The following CCDC13 variants were observed in gnomAD, a reference collection of about 807,000 sequenced individuals.
The protein encoded by CCDC13 is coiled-coil domain containing 13.
Under a neutral mutation model 87.3 loss-of-function variants are expected in CCDC13, and 70 were observed. The observed-to-expected ratio is 0.80, with a 90% CI of 0.66 to 0.98. The LOEUF (loss-of-function observed/expected upper bound fraction) is 0.98. CCDC13 is among the 50% of genes least tolerant of loss of function. The pLI, the probability that CCDC13 is intolerant of heterozygous loss-of-function variation, is 0.00. For synonymous variants in CCDC13, 317 were observed against 360.3 expected (o/e 0.88, Z 1.36); for missense variants, 842 against 892.0 (o/e 0.94, Z 0.71).
At chr3:42,721,028 T>C (rs1004133843) in intron 13 of CCDC13, among the ~76,000 whole-genome samples, 1 of 152,204 alleles carries the variant, frequency 6.6e-6, no homozygotes, top group Non-Finnish European at 1.5e-5. Flanking sequence ...GGTATAAAAA[T>C]CATATAGAAA....
At chr3:42,709,662 G>C in intron 15 of CCDC13, 22 bp downstream of exon 15, 4 of 1,590,594 alleles carry the variant, frequency 2.5e-6, no homozygotes, top group Non-Finnish European at 3.5e-6. Flanking sequence ...TACCCTTTCA[G>C]GAAGGCGGGG....
In CCDC13 at chr3:42,743,001, G is replaced by A. The variant is rs1471513016; in HGVS notation, c.882C>T (p.Ala294=). The A allele has an allele frequency of 6.2e-7, 1 of 1,614,126 alleles. No homozygotes were observed. The highest frequency in any genetic ancestry group is 1.1e-5 in the South Asian group (1 of 91,070). Residue 294 remains alanine (A), a synonymous_variant, in exon 8 of 16, where the codon GCC becomes GCT. Transcript: ENST00000310232. ...CTGGATAGACAGACAACTCATCACT[G>A]GCTGTTCCCGCAGACTGGCTCCGGG... The part of the protein sequence containing the change: ...GQARSQSAGT[A]SDELSVYPDP...
intron 1 of CCDC13, 91 bp from the exon 2 acceptor site, chr3:42,758,442 GT>G: frequency 7.9e-7 from 1 of 1,272,058 alleles, no homozygotes; most frequent in Non-Finnish European, 1.1e-6. Flanking sequence ...CAGCCTTGGA[GT>G]TTACTGCTTC....
At chr3:42,736,230 G>T (rs1437233621) in intron 9 of CCDC13, among the ~76,000 whole-genome samples, 1 of 152,202 alleles carries the variant, frequency 6.6e-6, no homozygotes, top group Non-Finnish European at 1.5e-5. Flanking sequence ...TTAGCTAAAA[G>T]AAAAGCCTGA....
At chr3:42,750,679 G>A (rs895398170) in intron 5 of CCDC13, among the ~76,000 whole-genome samples, 5 of 152,188 alleles carry the variant, frequency 3.3e-5, no homozygotes, top group Admixed American at 2.0e-4. Flanking sequence ...TGTTGGCCAG[G>A]CTGGTCTCGA....
rs949673560 is a variant in CCDC13 at position 42,706,282 on chromosome 3, C to T, written c.*2698G>A. On this transcript the variant is annotated 3_prime_UTR_variant, in exon 16 of 16. Transcript: ENST00000310232. ...GCCAGGGACTGTGTTTGCCTCACCTCGGCACCTCTGTGCCTGGGGCAGAGG... is the reference window on the plus strand; with the variant it reads ...GCCAGGGACTGTGTTTGCCTCACCTTGGCACCTCTGTGCCTGGGGCAGAGG... The T allele has an allele frequency of 6.6e-5, 10 of 152,402 alleles. No homozygotes were observed. The highest frequency in any genetic ancestry group is 2.1e-4 in the South Asian group (1 of 4,834). The allele number at this position is 152,402 out of a possible 1,614,324, so 9.4% of individuals were successfully genotyped here.
At chr3:42,748,794 C>G (rs572950392) in intron 5 of CCDC13, among the ~76,000 whole-genome samples, 32 of 152,274 alleles carry the variant, frequency 2.1e-4, no homozygotes, top group African/African-American at 7.2e-4. Flanking sequence ...CAGAATGTGC[C>G]AACTCGGAAC....
At position 42,723,225 on chromosome 3, in the gene CCDC13, T is replaced by C. The variant is rs575336282; in HGVS notation, c.1718+7242A>G. 4.6e-5 allele frequency among the ~76,000 whole-genome samples: 7 copies of C among 152,316 alleles called. No homozygotes were observed. In the South Asian group the frequency reaches 8.3e-4, roughly 18 times the overall value. The stretch of plus-strand genomic sequence containing the variant: ...CAAAACTCCCTTTCCTGTAACAGTT[T>C]GCAGGAGAATGTCTTCAAGGCCAGC... On this transcript the variant is annotated intron_variant, in intron 13 of 15. Transcript: ENST00000310232.
At chr3:42,726,669 A>G (rs1461623763) in intron 13 of CCDC13, among the ~76,000 whole-genome samples, 1 of 152,062 alleles carries the variant, frequency 6.6e-6, no homozygotes, top group Non-Finnish European at 1.5e-5. Flanking sequence ...ATATATTTAC[A>G]TATGTATACT....
chr3:42,718,119 C>G (rs1046127111), intron 13 of CCDC13: 1 of 152,186 alleles, frequency 6.6e-6, no homozygotes, highest in Admixed American at 6.5e-5. Context: ...CTGCTGCATT[C>G]CCAGATGGTT....
chr3:42,740,364 G>A (rs906305883), intron 8 of CCDC13, among the ~76,000 whole-genome samples: 7 of 152,008 alleles, frequency 4.6e-5, no homozygotes, highest in African/African-American at 9.7e-5. Flanking sequence ...ACACATCTTC[G>A]GAGTCTCTCA....
Position 42,752,131 on chromosome 3 carries a change from C to A in CCDC13, c.514-106G>T, listed in dbSNP as rs1183108889. 4.4e-6 allele frequency: 4 copies of A among 918,850 alleles called. No individual in the cohort carries two copies. The African/African-American group carries it at 4.9e-5, about 11-fold the overall frequency. The allele number at this position is 918,850 out of a possible 1,614,324, so 56.9% of individuals were successfully genotyped here. A position where few individuals can be genotyped will look rare whatever the true frequency, so the allele number is the denominator to read the frequency against. ...GTGGTTACCTATCTTGGTGGTGTGT[C>A]CTTTTAGCTCACTTTAGGATCATTA... On this transcript the variant is annotated intron_variant, in intron 4 of 15. Coordinates refer to ENST00000310232, the MANE Select transcript of CCDC13 (RefSeq NM_144719.4).
intron 5 of CCDC13, chr3:42,750,038 C>A (rs1244513971): frequency 4.6e-6 from 2 of 430,168 alleles, no homozygotes; most frequent in Non-Finnish European, 9.4e-6. Flanking sequence ...TGAATTGAGA[C>A]CTGCGGCCCA....
At position 42,758,415 on chromosome 3, in the gene CCDC13, C is replaced by T. The variant is rs568173783; in HGVS notation, c.-6-64G>A. On this transcript the variant is annotated intron_variant, in intron 1 of 15. Transcript: ENST00000310232. ...CACACCGAGCGCTCAGCACACAGTC[C>T]GCCCTGTCTGCAGCCCCAGCCTTGG... 179 of 1,500,112 alleles carry T rather than the reference C, an allele frequency of 1.2e-4. No individual in the cohort carries two copies. In the African/African-American group the frequency reaches 2.1e-3, roughly 18 times the overall value. The allele number at this position is 1,500,112 out of a possible 1,614,324, so 92.9% of individuals were successfully genotyped here.
intron 1 of CCDC13, among the ~76,000 whole-genome samples, chr3:42,759,584 C>T (rs939609494): frequency 1.3e-5 from 2 of 152,144 alleles, no homozygotes; most frequent in African/African-American, 4.8e-5. Context: ...TTGCTCAGCA[C>T]TACCTTTTTG....
chr3:42,713,018 T>C, intron 14 of CCDC13, 144 bp downstream of exon 14: 1 of 907,052 alleles, frequency 1.1e-6, no homozygotes, highest in Non-Finnish European at 1.6e-6. Context: ...CACCCCACAG[T>C]GGAGGCAGGC....
At chr3:42,740,713 G>T (rs1304042411) in intron 8 of CCDC13, among the ~76,000 whole-genome samples, 1 of 152,130 alleles carries the variant, frequency 6.6e-6, no homozygotes, top group East Asian at 1.9e-4. Context: ...GTGTGTGGCT[G>T]GAGCACAGTG....
At chr3:42,723,472 C>T (rs187325303) in intron 13 of CCDC13, among the ~76,000 whole-genome samples, 29 of 152,264 alleles carry the variant, frequency 1.9e-4, no homozygotes, top group Non-Finnish European at 3.5e-4. Context: ...GTTCTGCCCA[C>T]GCTCAAGGGA....
At chr3:42,724,605 C>T (rs913258617) in intron 13 of CCDC13, among the ~76,000 whole-genome samples, 13 of 152,304 alleles carry the variant, frequency 8.5e-5, no homozygotes, top group South Asian at 2.1e-4. Context: ...TATTTGATTG[C>T]GATTCTAATA....
Sources: allele counts gnomAD v4.1 joint callset (sites outside exome capture counted in the v4.1 genomes callset), GRCh38; gene constraint gnomAD v4.1.1; transcripts MANE v1.5; gene names NCBI Gene and HGNC (gene_info 2026-07-23, HGNC 2026-07-21).